Variants in CKLF observed in about 807,000 individuals in gnomAD.
CKLF encodes the protein chemokine-like factor.
CKLF carries 16 observed loss-of-function variants against 12.9 expected under a neutral mutation model. The ratio of observed to expected loss-of-function variants is 1.24; its 90% CI spans 0.84 to 1.88. The LOEUF (loss-of-function observed/expected upper bound fraction) is 1.88. Among genes scored for constraint, CKLF ranks in the 40% most tolerant of loss-of-function variants. CKLF has a pLI of 0.00. For synonymous variants in CKLF, 61 were observed against 69.0 expected, an observed-to-expected ratio of 0.88 and a Z score of 0.57; for missense variants, 172 against 188.5, an observed-to-expected ratio of 0.91 and a Z score of 0.51.
chr16:66,558,160 C>A lies in CKLF; in HGVS notation c.79-30C>A. ...AGTTTAAATTTGTATTCAGTTGTCA[C>A]TGAATAAATCGTGGGTTTTTTTCTT... On this transcript the variant is annotated intron_variant, in intron 1 of 3. Coordinates refer to ENST00000264001, the MANE Select transcript of CKLF (RefSeq NM_016951.4). The A allele has an allele frequency of 2.5e-6, 4 of 1,599,852 alleles. 1 individual carries two copies. The South Asian group carries it at 4.6e-5, about 18-fold the overall frequency.
chr16:66,562,622 A>ATAC (rs1354502976), intron 2 of CKLF, among the ~76,000 whole-genome samples: 11 of 152,226 alleles, frequency 7.2e-5, no homozygotes, highest in Non-Finnish European at 1.6e-4. Context: ...TATAGACCAG[A>ATAC]TACTATCTAG....
chr16:66,553,416 G>C (rs2011275922), intron 1 of CKLF: 1 of 152,196 alleles, frequency 6.6e-6, no homozygotes, highest in Non-Finnish European at 1.5e-5. Flanking sequence ...CCAGGACAAG[G>C]AGAGAACTGC....
intron 3 of CKLF, 151 bp downstream of exon 3, chr16:66,563,368 T>C (rs965640487): frequency 3.4e-6 from 3 of 881,390 alleles, no homozygotes; most frequent in African/African-American, 1.7e-5. Context: ...TATTTTTGTC[T>C]GTGAATGCTT....
Position 66,552,598 on chromosome 16 carries a change from G to A in CKLF, c.-118G>A. ...GAGAGCGGGAAGCCGAGCTGGGCGA[G>A]AAGTAGGGGAGGGCGGTGCTCCGCC... On this transcript the variant is annotated 5_prime_UTR_variant, in exon 1 of 4. Transcript: ENST00000264001. 1 of 1,510,602 alleles carries A rather than the reference G, an allele frequency of 6.6e-7. No individual in the cohort carries two copies. The highest frequency in any genetic ancestry group is 9.1e-7 in the Non-Finnish European group (1 of 1,099,130). The allele number at this position is 1,510,602 out of a possible 1,614,324, so 93.6% of individuals were successfully genotyped here.
chr16:66,562,419 T>C lies in CKLF; in HGVS notation c.238-703T>C, dbSNP rs140496346. ...GACTACTCTGCATTTTCTTACGTTA[T>C]TAAAAATGAGCATTTTTACTTCCCA... is the stretch of plus-strand genomic sequence containing the variant. On this transcript the variant is annotated intron_variant, in intron 2 of 3. Coordinates refer to ENST00000264001, the MANE Select transcript of CKLF (RefSeq NM_016951.4). Among the ~76,000 whole-genome samples the C allele has an allele frequency of 9.8e-5, 15 of 152,340 alleles. No homozygotes were observed. The East Asian group carries it at 2.9e-3, about 29-fold the overall frequency.
At chr16:66,554,231 T>G (rs535973531) in intron 1 of CKLF, among the ~76,000 whole-genome samples, 1 of 152,304 alleles carries the variant, frequency 6.6e-6, no homozygotes, top group South Asian at 2.1e-4. Context: ...TTCTTCAGTT[T>G]AATTATGAGA....
chr16:66,559,175 C>T (rs1567550161), intron 2 of CKLF, among the ~76,000 whole-genome samples: 1 of 152,180 alleles, frequency 6.6e-6, no homozygotes, highest in Non-Finnish European at 1.5e-5. Flanking sequence ...TGGTCTCATC[C>T]TCTTGGATGC....
At chr16:66,554,425 A>G (rs2011330293) in intron 1 of CKLF, among the ~76,000 whole-genome samples, 1 of 152,246 alleles carries the variant, frequency 6.6e-6, no homozygotes, top group African/African-American at 2.4e-5. Context: ...GAGAAATATA[A>G]GAAGTTGAGT....
intron 3 of CKLF, among the ~76,000 whole-genome samples, chr16:66,564,452 C>T (rs2011997991): frequency 6.6e-6 from 1 of 151,410 alleles, no homozygotes; most frequent in Admixed American, 6.6e-5. Context: ...ATATTAAAAT[C>T]TATGACTTAT....
At chr16:66,557,324 C>G (rs2011488029) in intron 1 of CKLF, among the ~76,000 whole-genome samples, 1 of 152,150 alleles carries the variant, frequency 6.6e-6, no homozygotes, top group South Asian at 2.1e-4. Context: ...CCTGCTACCA[C>G]ACCTGGATAA....
Position 66,563,161 on chromosome 16 carries a change from A to T in CKLF, c.277A>T (p.Ile93Phe). 1 of 1,614,160 alleles carries T rather than the reference A, an allele frequency of 6.2e-7. No individual in the cohort carries two copies. The highest frequency in any genetic ancestry group is 8.5e-7 in the Non-Finnish European group (1 of 1,180,040). The change falls in exon 3 of 4, where the codon ATC (isoleucine) becomes TTC (phenylalanine). Residue 93 changes from isoleucine to phenylalanine, a missense_variant. By Grantham distance (21) the Ile-to-Phe change is conservative. Coordinates refer to ENST00000264001, the MANE Select transcript of CKLF (RefSeq NM_016951.4). ...ACTGGTAACAACAGTATTCATGCTC[A>T]TCGTATCTGTGTTGGCACTGATACC... is the stretch of plus-strand genomic sequence containing the variant. ...NSLVTTVFML[I>F]VSVLALIPET...
intron 2 of CKLF, among the ~76,000 whole-genome samples, chr16:66,560,085 G>A (rs2011610805): frequency 6.6e-6 from 1 of 152,148 alleles, no homozygotes; most frequent in Non-Finnish European, 1.5e-5. Context: ...AGGCTGTGAA[G>A]AAAAAGTGCC....
chr16:66,562,620 A>G (rs2011810429), intron 2 of CKLF, among the ~76,000 whole-genome samples: 1 of 152,268 alleles, frequency 6.6e-6, no homozygotes, highest in Non-Finnish European at 1.5e-5. Context: ...ATTATAGACC[A>G]GATACTATCT....
intron 3 of CKLF, among the ~76,000 whole-genome samples, chr16:66,563,854 A>G (rs528851344): frequency 6.6e-6 from 1 of 152,318 alleles, no homozygotes; most frequent in African/African-American, 2.4e-5. Flanking sequence ...GATTTCTCAT[A>G]CAAGGTTCAA....
intron 3 of CKLF, chr16:66,565,630 A>G (rs1189828030): frequency 4.1e-6 from 2 of 484,044 alleles, no homozygotes; most frequent in Non-Finnish European, 7.4e-6. Context: ...TGGATTTCAG[A>G]GCCCACACTG....
intron 2 of CKLF, among the ~76,000 whole-genome samples, chr16:66,561,839 A>G (rs1428938344): frequency 6.6e-6 from 1 of 152,186 alleles, no homozygotes; most frequent in Non-Finnish European, 1.5e-5. Flanking sequence ...GCAAACATAC[A>G]TAAACCTTTC....
Position 66,563,144 on chromosome 16 carries a change from C to G in CKLF, c.260C>G (p.Thr87Arg). 1.9e-6 allele frequency: 3 copies of G among 1,614,064 alleles called. No homozygotes were observed. Among genetic ancestry groups the G allele is most frequent in the South Asian group, 2.2e-5 (2 of 91,076 alleles). The change falls in exon 3 of 4, where the codon ACA becomes AGA. Residue 87 changes from threonine to arginine, a missense_variant. By Grantham distance (71) the Thr-to-Arg change is moderately conservative. Coordinates refer to ENST00000264001, the MANE Select transcript of CKLF (RefSeq NM_016951.4). ...TAGGATATTATCAACTCACTGGTAA[C>G]AACAGTATTCATGCTCATCGTATCT... ...PLLDIINSLV[T>R]TVFMLIVSVL...
At chr16:66,558,390 C>A in intron 2 of CKLF, 42 bp downstream of exon 2, 3 of 1,581,244 alleles carry the variant, frequency 1.9e-6, no homozygotes, top group Non-Finnish European at 8.5e-7. Flanking sequence ...TTTTTCCTAC[C>A]ATAGTGAGAT....
intron 1 of CKLF, among the ~76,000 whole-genome samples, chr16:66,557,689 T>C (rs950411947): frequency 1.3e-5 from 2 of 152,188 alleles, no homozygotes; most frequent in Non-Finnish European, 2.9e-5. Flanking sequence ...AGTATGTGTG[T>C]GTGTATTTTA....
Sources: gnomAD v4.1 joint callset for allele counts (sites outside exome capture counted in the v4.1 genomes callset) on GRCh38, gnomAD v4.1.1 for gene constraint, MANE v1.5 for transcripts, NCBI Gene and HGNC (gene_info 2026-07-23, HGNC 2026-07-21) for gene names.